Variants in OTOA observed in about 807,000 individuals in gnomAD.
OTOA encodes the protein cancer/testis antigen 108.
A neutral mutation model predicts 110.8 loss-of-function variants in OTOA; 70 were observed. That is an observed-to-expected ratio of 0.63 (90% CI 0.52 to 0.77). The LOEUF is 0.77. OTOA is among the 30% of genes least tolerant of loss of function. The probability of loss-of-function intolerance (pLI) is 0.00; values close to 1 mark genes in which losing one functional copy is unlikely to be tolerated. For missense variants in OTOA, 917 were observed against 1,075.8 expected, an observed-to-expected ratio of 0.85 and a Z score of 2.06; for synonymous variants, 373 against 431.5, an observed-to-expected ratio of 0.86 and a Z score of 1.68.
At chr16:21,666,246 T>A (rs2141642508) in intron 1 of OTOA, among the ~76,000 whole-genome samples, 1 of 149,876 alleles carries the variant, frequency 6.7e-6, no homozygotes, top group African/African-American at 2.4e-5. Flanking sequence ...AAATGGCATT[T>A]TTTTTTTTTT....
chr16:21,723,344 G>A (rs909746117), intron 18 of OTOA, among the ~76,000 whole-genome samples: 10 of 152,130 alleles, frequency 6.6e-5, no homozygotes, highest in African/African-American at 2.2e-4. Context: ...GGGCCTGCAG[G>A]GTGGCCCTGC....
chr16:21,695,891 A>ATATATATATTTTTT (rs569493650), intron 9 of OTOA, among the ~76,000 whole-genome samples: 14 of 41,894 alleles, frequency 3.3e-4, no homozygotes, highest in African/African-American at 1.0e-3. Context: ...ATATATATAT[A>ATATATATATTTTTT]TTTTTTTTTT....
rs756208278 is a variant in OTOA at position 21,681,784 on chromosome 16, C to G, written c.226C>G (p.Leu76Val). The change falls in exon 6 of 29, where the codon CTG becomes GTG. Residue 76 changes from leucine to valine, a missense_variant. This residue lies in a region of OTOA where 840 missense variants were observed against 910.2 expected (regional missense o/e 0.92). Coordinates refer to ENST00000646100, the MANE Select transcript of OTOA (RefSeq NM_144672.4). ...DDLSHRVLAY[L>V]NSRNVAFTIP... is the part of the protein sequence containing the mutation. ...CCTGTCCCACAGAGTCCTGGCCTAT[C>G]TGAATTCCCGGAATGTTGCCTTCAC... 6.2e-7 allele frequency: 1 copy of G among 1,613,966 alleles called. No individual in the cohort carries two copies. Among genetic ancestry groups the G allele is most frequent in the Non-Finnish European group, 8.5e-7 (1 of 1,180,010 alleles).
intron 1 of OTOA, among the ~76,000 whole-genome samples, chr16:21,671,690 C>T (rs1162469900): frequency 6.6e-6 from 1 of 151,574 alleles, no homozygotes; most frequent in African/African-American, 2.4e-5. Flanking sequence ...GAACAGGTGA[C>T]TGGCTCCACA....
At chr16:21,678,421 T>A (rs1966866152) in intron 1 of OTOA, 90 bp from the exon 2 acceptor site, 1 of 799,264 alleles carries the variant, frequency 1.3e-6, no homozygotes, top group East Asian at 3.2e-5. Flanking sequence ...TATATATATA[T>A]GTTTATATAC....
chr16:21,714,270 T>TTC (rs1898451544), intron 13 of OTOA, among the ~76,000 whole-genome samples: 1 of 146,020 alleles, frequency 6.8e-6, no homozygotes, highest in Non-Finnish European at 1.5e-5. Flanking sequence ...TTTCTTTCTT[T>TTC]CTTTCCTCCT....
At chr16:21,701,576 G>T (rs548312399) in intron 11 of OTOA, among the ~76,000 whole-genome samples, 3 of 152,174 alleles carry the variant, frequency 2.0e-5, no homozygotes, top group Admixed American at 6.6e-5. Context: ...TGGGCAATGG[G>T]AAGGAGGTGG....
intron 13 of OTOA, among the ~76,000 whole-genome samples, chr16:21,714,197 T>G (rs996581087): frequency 1.6e-4 from 24 of 152,084 alleles, no homozygotes; most frequent in African/African-American, 5.8e-4. Context: ...TATAATTTCT[T>G]TCTTTCTTTC....
intron 7 of OTOA, 80 bp downstream of exon 7, chr16:21,685,441 A>C: frequency 1.3e-6 from 2 of 1,575,860 alleles, no homozygotes; most frequent in Non-Finnish European, 1.7e-6. Flanking sequence ...ATGGAGCCTG[A>C]CTTAGGCCTT....
chr16:21,665,542 T>C (rs1449549513), intron 1 of OTOA, among the ~76,000 whole-genome samples: 1 of 152,078 alleles, frequency 6.6e-6, no homozygotes, highest in Non-Finnish European at 1.5e-5. Flanking sequence ...TGCACTGAAC[T>C]CATCTGTGAA....
At chr16:21,721,321 C>G (rs1469483641) in intron 17 of OTOA, 1 of 454,668 alleles carries the variant, frequency 2.2e-6, no homozygotes, top group African/African-American at 2.0e-5. Flanking sequence ...CAAATTTTCC[C>G]CAGAGCAGTT....
intron 16 of OTOA, 82 bp from the exon 17 acceptor site, chr16:21,719,305 G>A: frequency 6.5e-7 from 1 of 1,548,098 alleles, no homozygotes; most frequent in Non-Finnish European, 8.9e-7. Flanking sequence ...GCTTGTATCT[G>A]ATCATATCTG....
chr16:21,738,041 T>C (rs1447089394), intron 22 of OTOA, among the ~76,000 whole-genome samples: 4 of 152,140 alleles, frequency 2.6e-5, no homozygotes, highest in African/African-American at 9.6e-5. Flanking sequence ...GTAAAATATA[T>C]GGTATATTGT....
At chr16:21,682,236 A>T (rs953406306) in intron 6 of OTOA, among the ~76,000 whole-genome samples, 1 of 152,302 alleles carries the variant, frequency 6.6e-6, no homozygotes, top group South Asian at 2.1e-4. Flanking sequence ...GTTATTGCCC[A>T]TGTGGTGGAA....
At chr16:21,722,526 CA>C (rs1898789529) in intron 17 of OTOA, among the ~76,000 whole-genome samples, 1 of 151,678 alleles carries the variant, frequency 6.6e-6, no homozygotes, top group South Asian at 2.1e-4. Context: ...TAAAATAGCA[CA>C]GACATCATTT....
chr16:21,691,567 G>A lies in OTOA; in HGVS notation c.636-17G>A, dbSNP rs1343101422. The A allele has an allele frequency of 6.2e-7, 1 of 1,602,208 alleles. No individual in the cohort carries two copies. Among genetic ancestry groups the A allele is most frequent in the Non-Finnish European group, 8.6e-7 (1 of 1,169,552 alleles). On this transcript the variant is annotated splice_polypyrimidine_tract_variant and intron_variant, in intron 8 of 28. Transcript: ENST00000646100. ...ACCTGCTTGTTATTAGCTGATGCCT[G>A]TGTTTGTGTCATTTAGATCTGCAGT...
intron 1 of OTOA, among the ~76,000 whole-genome samples, chr16:21,675,185 T>G (rs1567361295): frequency 6.7e-6 from 1 of 149,000 alleles, no homozygotes; most frequent in Non-Finnish European, 1.5e-5. Context: ...AGTCTCATTC[T>G]GTCACCTAGG....
At position 21,714,172 on chromosome 16, in the gene OTOA, G is replaced by GA. The variant is rs772245809; in HGVS notation, c.1321-805dup. Among the ~76,000 whole-genome samples the GA allele has an allele frequency of 4.6e-5, 7 of 151,564 alleles. No individual in the cohort carries two copies. The East Asian group carries it at 5.8e-4, about 13-fold the overall frequency. ...TCTAGCATCTTCACTCTAAAGGAAG[G>GA]AAAAAAAACCCAAGTATAATTTCTT... On this transcript the variant is annotated intron_variant, in intron 13 of 28. Coordinates refer to ENST00000646100, the MANE Select transcript of OTOA (RefSeq NM_144672.4).
At chr16:21,705,584 A>T in intron 12 of OTOA, 1 of 434,076 alleles carries the variant, frequency 2.3e-6, no homozygotes, top group Non-Finnish European at 4.3e-6. Flanking sequence ...CCAAGATGGG[A>T]GGATCATTTG....
Sources: allele counts gnomAD v4.1 joint callset (sites outside exome capture counted in the v4.1 genomes callset), GRCh38; gene constraint gnomAD v4.1.1; regional missense constraint gnomAD v4.1.1; transcripts MANE v1.5; gene names NCBI Gene and HGNC (gene_info 2026-07-23, HGNC 2026-07-21).